Variants in PRPF31 observed in about 807,000 individuals in gnomAD.
The protein encoded by PRPF31 is pre-mRNA processing factor 31, also known as U4/U6 small nuclear ribonucleoprotein Prp31.
A neutral mutation model predicts 60.4 loss-of-function variants in PRPF31; 12 were observed. The ratio of observed to expected loss-of-function variants is 0.20; its 90% CI spans 0.13 to 0.32. The LOEUF (loss-of-function observed/expected upper bound fraction) is 0.32, where lower values mean the gene tolerates loss of function less well. Among genes scored for constraint, PRPF31 ranks in the 10% least tolerant of loss-of-function variants. PRPF31 has a pLI of 1.00. For missense variants in PRPF31, 431 were observed against 687.1 expected, an observed-to-expected ratio of 0.63 and a Z score of 4.17; for synonymous variants, 287 against 287.9, an observed-to-expected ratio of 1.00 and a Z score of 0.03.
intron 1 of PRPF31, among the ~76,000 whole-genome samples, chr19:54,116,280 C>T (rs1176661146): frequency 2.0e-5 from 3 of 147,960 alleles, no homozygotes; most frequent in Admixed American, 1.3e-4. Flanking sequence ...TCTCGGTTCA[C>T]TGCAACCTCC....
At chr19:54,116,367 G>A (rs1251774534) in intron 1 of PRPF31, among the ~76,000 whole-genome samples, 1 of 151,678 alleles carries the variant, frequency 6.6e-6, no homozygotes, top group Non-Finnish European at 1.5e-5. Flanking sequence ...ACCACGCCCG[G>A]CTAGTTTTTT....
intron 5 of PRPF31, chr19:54,122,998 C>T (rs1177731682): frequency 8.9e-6 from 4 of 448,452 alleles, no homozygotes; most frequent in Admixed American, 3.5e-5. Context: ...GGTCGGATCA[C>T]GTCCAGCCTT....
intron 3 of PRPF31, chr19:54,119,466 C>G (rs2073734827): frequency 6.6e-6 from 1 of 151,124 alleles, no homozygotes; most frequent in African/African-American, 2.4e-5. Flanking sequence ...CAGACTCACT[C>G]TTAAGAGGGC....
intron 7 of PRPF31, 87 bp from the exon 8 acceptor site, chr19:54,124,412 C>A: frequency 8.3e-7 from 1 of 1,198,120 alleles, no homozygotes; most frequent in South Asian, 1.2e-5. Context: ...GTGCCCAGCA[C>A]ACGTCGAGCC....
At chr19:54,117,094 CA>C (rs113695687) in intron 1 of PRPF31, among the ~76,000 whole-genome samples, 3 of 150,126 alleles carry the variant, frequency 2.0e-5, no homozygotes, top group Non-Finnish European at 4.4e-5. Context: ...GACATGGTCT[CA>C]AAAAAAAGAA....
chr19:54,122,336 G>C, intron 4 of PRPF31, 161 bp from the exon 5 acceptor site: 1 of 762,930 alleles, frequency 1.3e-6, no homozygotes, highest in Middle Eastern at 2.3e-4. Flanking sequence ...GTCACACCTA[G>C]CGGTAAGGAC....
chr19:54,117,698 A>G (rs1297086252), intron 1 of PRPF31, among the ~76,000 whole-genome samples: 1 of 151,956 alleles, frequency 6.6e-6, no homozygotes, highest in East Asian at 1.9e-4. Flanking sequence ...AAAAAAAAAA[A>G]AAATTAGCTG....
At chr19:54,127,432 C>T (rs2073947272) in intron 9 of PRPF31, among the ~76,000 whole-genome samples, 1 of 152,156 alleles carries the variant, frequency 6.6e-6, no homozygotes, top group South Asian at 2.1e-4. Flanking sequence ...TGTGGCTATA[C>T]TGAGCCTACT....
chr19:54,124,271 G>C (rs2073865325), intron 7 of PRPF31: 1 of 629,278 alleles, frequency 1.6e-6, no homozygotes, highest in Admixed American at 2.8e-5. Flanking sequence ...CCTGTTGGGG[G>C]CCTCCTCCCT....
At chr19:54,122,297 C>T (rs1376773289) in intron 4 of PRPF31, 200 bp from the exon 5 acceptor site, 9 of 702,110 alleles carry the variant, frequency 1.3e-5, no homozygotes, top group Non-Finnish European at 2.3e-5. Flanking sequence ...CTGCAGCTCA[C>T]GTTTTACAGA....
intron 1 of PRPF31, among the ~76,000 whole-genome samples, chr19:54,117,189 C>T (rs1394452267): frequency 9.9e-5 from 15 of 152,024 alleles, no homozygotes; most frequent in African/African-American, 3.4e-4. Context: ...GGGAAGAGAC[C>T]GATAATGTAA....
chr19:54,121,319 A>T (rs1437173459), intron 3 of PRPF31, among the ~76,000 whole-genome samples: 2 of 120,072 alleles, frequency 1.7e-5, no homozygotes, highest in Admixed American at 8.1e-5. Context: ...AAAAAAAAAA[A>T]GGCTAGGAGG....
chr19:54,131,604 C>A lies in PRPF31; in HGVS notation c.*172C>A. 1 of 937,044 alleles carries A rather than the reference C, an allele frequency of 1.1e-6. No individual in the cohort carries two copies. Among genetic ancestry groups the A allele is most frequent in the East Asian group, 2.6e-5 (1 of 38,078 alleles). 58.0% of individuals were successfully genotyped at this position (937,044 alleles called of 1,614,324 possible). ...AGTCCGGCCTGGCCTCCCCCAGGAC[C>A]GAGATCACCGCCCAGTATGGGCTAG... On this transcript the variant is annotated 3_prime_UTR_variant, in exon 14 of 14. Transcript: ENST00000321030.
intron 5 of PRPF31, chr19:54,123,210 C>T (rs767746051): frequency 5.5e-5 from 33 of 595,856 alleles, no homozygotes; most frequent in Middle Eastern, 4.4e-4. Context: ...TCTTTCCAGA[C>T]GCCACTCTGC....
chr19:54,129,352 G>A lies in PRPF31; in HGVS notation c.1356G>A (p.Val452=). 1 of 1,599,978 alleles carries A rather than the reference G, an allele frequency of 6.3e-7. No homozygotes were observed. Among genetic ancestry groups the A allele is most frequent in the Non-Finnish European group, 8.5e-7 (1 of 1,174,366 alleles). Residue 452 remains valine, a synonymous_variant, in exon 13 of 14, where the codon GTG becomes GTA. Coordinates refer to ENST00000321030, the MANE Select transcript of PRPF31 (RefSeq NM_015629.4). ...RDRSSGTASS[V]AFTPLQGLEI... ...GCTCCTCGGGCACGGCCTCCAGCGT[G>A]GCCTTCACCCCACTCCAGGTACCTC... is the stretch of plus-strand genomic sequence containing the variant.
intron 9 of PRPF31, 71 bp downstream of exon 9, chr19:54,126,688 C>T (rs2073930418): frequency 1.4e-6 from 2 of 1,442,180 alleles, no homozygotes; most frequent in Non-Finnish European, 1.9e-6. Context: ...GCAGGGAGAC[C>T]CTCAGCAGGG....
At chr19:54,130,088 G>A (rs1458609048) in intron 13 of PRPF31, among the ~76,000 whole-genome samples, 1 of 145,334 alleles carries the variant, frequency 6.9e-6, no homozygotes, top group Non-Finnish European at 1.5e-5. Context: ...AGCTCAGTAA[G>A]ATGTCCAGTG....
chr19:54,117,739 T>TGCCTC, intron 1 of PRPF31, among the ~76,000 whole-genome samples: 1 of 151,126 alleles, frequency 6.6e-6, no homozygotes, highest in Admixed American at 6.6e-5. Flanking sequence ...TAGTCCCAGC[T>TGCCTC]ACTCAGGAGG....
In PRPF31 at chr19:54,128,099, C is replaced by G. The variant is rs991656582; in HGVS notation, c.972C>G (p.Ile324Met). The G allele has an allele frequency of 5.2e-6, 8 of 1,549,434 alleles. No individual in the cohort carries two copies. Among genetic ancestry groups the G allele is most frequent in the Non-Finnish European group, 7.0e-6 (8 of 1,147,110 alleles). ...GKVGYELKDE[I>M]ERKFDKWQEP... is the part of the protein sequence containing the mutation. ...TGGGCTACGAACTGAAGGATGAGAT[C>G]GAGCGCAAATTCGACAAGTGGCAGG... Residue 324 changes from isoleucine to methionine, a missense_variant, in exon 10 of 14, where the codon ATC (isoleucine) becomes ATG (methionine). Around this residue, in one of 4 missense-constraint regions of PRPF31, gnomAD observed 314 missense variants for 475.3 expected, o/e 0.66. Transcript: ENST00000321030.
Sources: gnomAD v4.1 joint callset for allele counts (sites outside exome capture counted in the v4.1 genomes callset) on GRCh38, gnomAD v4.1.1 for gene constraint, gnomAD v4.1.1 regional missense constraint, MANE v1.5 for transcripts, NCBI Gene and HGNC (gene_info 2026-07-23, HGNC 2026-07-21) for gene names.